The following EGFLAM variants were observed in gnomAD, a reference collection of about 807,000 sequenced individuals.
The protein encoded by EGFLAM is pikachurin.
In EGFLAM, 79 loss-of-function variants were observed where a neutral mutation model predicts 113.1. The observed-to-expected ratio is 0.70, with a 90% CI of 0.58 to 0.84. The LOEUF is 0.84. Among genes scored for constraint, EGFLAM ranks in the 40% least tolerant of loss-of-function variants. EGFLAM has a pLI of 0.00. For missense variants in EGFLAM, 1,265 were observed against 1,291.6 expected, an observed-to-expected ratio of 0.98 and a Z score of 0.32; for synonymous variants, 504 against 487.6, an observed-to-expected ratio of 1.03 and a Z score of -0.44.
chr5:38,464,013 G>A lies in EGFLAM; in HGVS notation c.*27G>A. The A allele has an allele frequency of 1.2e-6, 2 of 1,614,016 alleles. No homozygotes were observed. Among genetic ancestry groups the A allele is most frequent in the African/African-American group, 1.3e-5 (1 of 75,082 alleles). On this transcript the variant is annotated 3_prime_UTR_variant, in exon 22 of 22. Coordinates refer to ENST00000322350, the MANE Select transcript of EGFLAM (RefSeq NM_152403.4). ...ACCAGCTGGCCTTGTCCAAGGGACA[G>A]AGCCTTCTATTCTGAGAATCCCAGG...
At chr5:38,422,404 T>TC (rs1741858036) in intron 12 of EGFLAM, among the ~76,000 whole-genome samples, 1 of 152,148 alleles carries the variant, frequency 6.6e-6, no homozygotes, top group Non-Finnish European at 1.5e-5. Context: ...CCCTGGGCCC[T>TC]CGCCGCCAGG....
chr5:38,433,026 G>T (rs1742234767), intron 15 of EGFLAM, among the ~76,000 whole-genome samples: 1 of 152,230 alleles, frequency 6.6e-6, no homozygotes, highest in Admixed American at 6.5e-5. Flanking sequence ...GGGACATTCT[G>T]CTGAGTCCAC....
intron 6 of EGFLAM, among the ~76,000 whole-genome samples, chr5:38,382,443 G>A (rs765610691): frequency 2.1e-4 from 32 of 152,150 alleles, no homozygotes; most frequent in Non-Finnish European, 3.8e-4. Flanking sequence ...CCTCTTGATG[G>A]TAACCTTACT....
chr5:38,311,581 G>T (rs769223907), intron 1 of EGFLAM, among the ~76,000 whole-genome samples: 2 of 151,972 alleles, frequency 1.3e-5, no homozygotes. Flanking sequence ...TTCTTTGTTC[G>T]TCCATTGATG....
In EGFLAM at chr5:38,418,197, G is replaced by A. The variant is rs1295421029; in HGVS notation, c.1626G>A (p.Gly542=). ...QGCVQSLAVN[G]RRIDMRPWPL... ...GTGTGCAGTCGCTCGCTGTGAATGG[G>A]AGGAGAATTGACATGAGGCCCTGGC... is the stretch of plus-strand genomic sequence containing the variant. Residue 542 remains glycine (G), a synonymous_variant, in exon 12 of 22, where the codon GGG becomes GGA. Coordinates refer to ENST00000322350, the MANE Select transcript of EGFLAM (RefSeq NM_152403.4). 6.2e-7 allele frequency: 1 copy of A among 1,614,144 alleles called. No individual in the cohort carries two copies. The highest frequency in any genetic ancestry group is 8.5e-7 in the Non-Finnish European group (1 of 1,180,010).
intron 1 of EGFLAM, among the ~76,000 whole-genome samples, chr5:38,286,706 G>A (rs947819393): frequency 6.6e-6 from 1 of 152,196 alleles, no homozygotes; most frequent in Non-Finnish European, 1.5e-5. Flanking sequence ...TTGCCATTAT[G>A]AAGCTATATC....
At chr5:38,340,846 TGGGGG>T (rs751534294) in intron 3 of EGFLAM, among the ~76,000 whole-genome samples, 1 of 44,174 alleles carries the variant, frequency 2.3e-5, no homozygotes, top group African/African-American at 1.1e-4. Context: ...TGTGTGTGTT[TGGGGG>T]GGTGGGGGGT....
At chr5:38,387,378 C>T (rs895512592) in intron 6 of EGFLAM, among the ~76,000 whole-genome samples, 1 of 152,218 alleles carries the variant, frequency 6.6e-6, no homozygotes, top group Non-Finnish European at 1.5e-5. Context: ...CATGAGCCCT[C>T]CATGCCAGCA....
intron 1 of EGFLAM, among the ~76,000 whole-genome samples, chr5:38,273,044 A>G (rs984613482): frequency 6.6e-6 from 1 of 152,168 alleles, no homozygotes; most frequent in African/African-American, 2.4e-5. Flanking sequence ...AGCTAGAGAA[A>G]CCAGGTTAGA....
chr5:38,348,049 T>TGA (rs59761113), intron 3 of EGFLAM, among the ~76,000 whole-genome samples: 22,787 of 147,558 alleles, frequency 0.15, 2,257 homozygotes, highest in African/African-American at 0.29. Flanking sequence ...CCTTGGGTAA[T>TGA]GAGAGAGAGA....
At chr5:38,458,085 A>G (rs1332587183) in intron 19 of EGFLAM, among the ~76,000 whole-genome samples, 2 of 152,206 alleles carry the variant, frequency 1.3e-5, no homozygotes, top group Non-Finnish European at 2.9e-5. Flanking sequence ...TACGATGGCC[A>G]TGGTTATGTT....
Position 38,448,374 on chromosome 5 carries a change from GAA to G in EGFLAM, c.2539_2540del (p.Lys847GlufsTer14). On this transcript the variant is annotated frameshift_variant, in exon 18 of 22. Coordinates refer to ENST00000322350, the MANE Select transcript of EGFLAM (RefSeq NM_152403.4). LOFTEE classifies it high-confidence loss of function. Reference sequence around the variant, plus strand: ...TGACGTATGACAACCCAGATATCTTGAAGAGGTAATAAGCTTCAACAGGCACC... The same window carrying G: ...TGACGTATGACAACCCAGATATCTTGGAGGTAATAAGCTTCAACAGGCACC... ...YLTYDNPDILKRVSGSRSNVF... is the reference protein window; with the variant it reads ...YLTYDNPDILXRVSGSRSNVF... 1 of 1,614,122 alleles carries G rather than the reference GAA, an allele frequency of 6.2e-7. No homozygotes were observed. Among genetic ancestry groups the G allele is most frequent in the Non-Finnish European group, 8.5e-7 (1 of 1,180,040 alleles).
chr5:38,319,472 C>T (rs996617203), intron 1 of EGFLAM, among the ~76,000 whole-genome samples: 3 of 152,110 alleles, frequency 2.0e-5, no homozygotes, highest in Admixed American at 6.5e-5. Context: ...TATTCAGGGT[C>T]GGAAACTGTT....
intron 1 of EGFLAM, among the ~76,000 whole-genome samples, chr5:38,311,522 T>A (rs2111861239): frequency 6.6e-6 from 1 of 152,340 alleles, no homozygotes; most frequent in South Asian, 2.1e-4. Context: ...ATAACAAGAT[T>A]TCCTTCTTTT....
At chr5:38,373,745 TATA>T (rs530126756) in intron 6 of EGFLAM, among the ~76,000 whole-genome samples, 177 of 152,334 alleles carry the variant, frequency 1.2e-3, no homozygotes, top group African/African-American at 4.2e-3. Flanking sequence ...GTCTTTTTCA[TATA>T]ATGATTTCTT....
chr5:38,403,997 G>A (rs1371773377), intron 6 of EGFLAM: 2 of 1,599,554 alleles, frequency 1.3e-6, no homozygotes, highest in South Asian at 2.2e-5. Context: ...CCTCCCCTTT[G>A]TTATCCCACC....
At chr5:38,286,983 A>G (rs1758180129) in intron 1 of EGFLAM, among the ~76,000 whole-genome samples, 1 of 152,240 alleles carries the variant, frequency 6.6e-6, no homozygotes, top group South Asian at 2.1e-4. Flanking sequence ...GGTATTCATC[A>G]ACTTCAGACA....
intron 12 of EGFLAM, among the ~76,000 whole-genome samples, chr5:38,421,928 C>T (rs191339045): frequency 1.3e-3 from 193 of 152,070 alleles, no homozygotes; most frequent in Non-Finnish European, 1.8e-3. Context: ...GCTCATTAGA[C>T]GGGGCTTTCA....
Position 38,281,452 on chromosome 5 carries a change from AAAG to A in EGFLAM, c.97+22604_97+22606del, listed in dbSNP as rs201601342. 9.9e-3 allele frequency among the ~76,000 whole-genome samples: 1,506 copies of A among 152,334 alleles called. 10 individuals carry two copies. The highest frequency in any genetic ancestry group is 0.014 in the South Asian group (67 of 4,828). On this transcript the variant is annotated intron_variant, in intron 1 of 21. Coordinates refer to ENST00000322350, the MANE Select transcript of EGFLAM (RefSeq NM_152403.4). ...TTGCATGGGACATATTTATACGAAA[AAAG>A]AAATCATTGTTTATCTGAAGTTCAA...
Sources: allele counts gnomAD v4.1 joint callset (sites outside exome capture counted in the v4.1 genomes callset), GRCh38; gene constraint gnomAD v4.1.1; transcripts MANE v1.5; gene names NCBI Gene and HGNC (gene_info 2026-07-23, HGNC 2026-07-21).